Variants in ATP8B1 observed in about 807,000 individuals in gnomAD.
ATP8B1 encodes the protein phospholipid-transporting ATPase IC.
ATP8B1 carries 80 observed loss-of-function variants against 149.9 expected under a neutral mutation model. That is an observed-to-expected ratio of 0.53 (90% CI 0.45 to 0.64). The LOEUF (loss-of-function observed/expected upper bound fraction) is 0.64. ATP8B1 is among the 30% of genes least tolerant of loss of function. The pLI is 0.00. For missense variants in ATP8B1, 1,247 were observed against 1,552.6 expected (o/e 0.80, Z 3.31); for synonymous variants, 536 against 562.8 (o/e 0.95, Z 0.67).
intron 16 of ATP8B1, among the ~76,000 whole-genome samples, chr18:57,672,966 TACATATATACAC>T (rs1911348913): frequency 8.7e-6 from 1 of 115,286 alleles, no homozygotes. Flanking sequence ...TACATATATC[TACATATATACAC>T]ACATATATAA....
chr18:57,759,634 C>G (rs949309738), intron 1 of ATP8B1, among the ~76,000 whole-genome samples: 1 of 151,726 alleles, frequency 6.6e-6, no homozygotes, highest in African/African-American at 2.4e-5. Flanking sequence ...ACAATGAAAC[C>G]CCATCTCTAC....
intron 1 of ATP8B1, among the ~76,000 whole-genome samples, chr18:57,754,161 G>A (rs2080054004): frequency 6.6e-6 from 1 of 152,014 alleles, no homozygotes; most frequent in African/African-American, 2.4e-5. Flanking sequence ...GTTTCAGCCT[G>A]GCACAGGGGC....
chr18:57,734,517 G>A (rs896272064), intron 1 of ATP8B1, among the ~76,000 whole-genome samples: 13 of 152,128 alleles, frequency 8.5e-5, no homozygotes, highest in Non-Finnish European at 1.0e-4. Flanking sequence ...ACTTCTTGGC[G>A]ATTTGTATGT....
At chr18:57,699,361 A>G (rs746358129) in intron 6 of ATP8B1, among the ~76,000 whole-genome samples, 3 of 152,250 alleles carry the variant, frequency 2.0e-5, no homozygotes, top group Non-Finnish European at 4.4e-5. Context: ...TTTATTTACA[A>G]TTCTAGGATT....
intron 1 of ATP8B1, among the ~76,000 whole-genome samples, chr18:57,741,311 A>G (rs1028627275): frequency 6.6e-6 from 1 of 152,192 alleles, no homozygotes; most frequent in South Asian, 2.1e-4. Context: ...ATAAAAAACC[A>G]TGACTTCTTG....
chr18:57,654,227 G>A (rs990227855), intron 23 of ATP8B1, 152 bp from the exon 24 acceptor site: 11 of 769,062 alleles, frequency 1.4e-5, no homozygotes, highest in Middle Eastern at 3.5e-4. Flanking sequence ...GGCTGGCCTC[G>A]AACTCCTGGC....
At chr18:57,651,305 C>T (rs375177655) in intron 26 of ATP8B1, among the ~76,000 whole-genome samples, 1 of 152,114 alleles carries the variant, frequency 6.6e-6, no homozygotes, top group South Asian at 2.1e-4. Context: ...GGGGTTTCAC[C>T]ATGTTGCCCA....
rs760611716 is a variant in ATP8B1, at chr18:57,713,157, CTCTTTCTTTCTTTCTT to C, written c.182-6586_182-6571del. The stretch of plus-strand genomic sequence containing the variant: ...GTGCTTTGTCTTGCTCTTGATCTTT[CTCTTTCTTTCTTTCTT>C]TCTTTCTTTCTTTCTTTCTTTCTTT... On this transcript the variant is annotated intron_variant, in intron 2 of 27. Coordinates refer to ENST00000648908, the MANE Select transcript of ATP8B1 (RefSeq NM_001374385.1). Among the ~76,000 whole-genome samples the C allele has an allele frequency of 2.5e-3, 227 of 92,018 alleles. 8 individuals carry two copies. Among genetic ancestry groups the C allele is most frequent in the East Asian group, 4.2e-3 (11 of 2,624 alleles). The allele number at this position is 92,018 out of a possible 152,430, so 60.4% of individuals were successfully genotyped here.
rs191155329 is a variant in ATP8B1 at position 57,791,724 on chromosome 18, T to C, written c.-26+11274A>G. Among the ~76,000 whole-genome samples the C allele has an allele frequency of 3.9e-5, 6 of 152,336 alleles. No homozygotes were observed. In the East Asian group the frequency reaches 1.2e-3, roughly 29 times the overall value. ...TTTTGTTTATTCATTCATTCGTCGGTGGATGCCTGGGTTACTCCTAGGCCA... is the reference window on the plus strand; with the variant it reads ...TTTTGTTTATTCATTCATTCGTCGGCGGATGCCTGGGTTACTCCTAGGCCA... On this transcript the variant is annotated intron_variant, in intron 1 of 27. Coordinates refer to ENST00000648908, the MANE Select transcript of ATP8B1 (RefSeq NM_001374385.1).
Position 57,684,048 on chromosome 18 carries a change from C to G in ATP8B1, c.1618G>C (p.Asp540His). The G allele has an allele frequency of 6.2e-7, 1 of 1,614,156 alleles. No individual in the cohort carries two copies. The highest frequency in any genetic ancestry group is 8.5e-7 in the Non-Finnish European group (1 of 1,180,034). Residue 540 changes from aspartate (D) to histidine (H), a missense_variant, in exon 15 of 28, where the codon GAT becomes CAT. This residue lies in a region of ATP8B1 where 853 missense variants were observed against 1,035.7 expected (regional missense o/e 0.82). Coordinates refer to ENST00000648908, the MANE Select transcript of ATP8B1 (RefSeq NM_001374385.1). ...GAGAAACACTCACCATCAGTCCTAT[C>G]CACCATGACTGTGTGGCAAACTGCG... Reference protein sequence around the residue: ...LLAVCHTVMVDRTDGQLNYQA... With the variant: ...LLAVCHTVMVHRTDGQLNYQA...
At chr18:57,712,933 G>C (rs117711869) in intron 2 of ATP8B1, among the ~76,000 whole-genome samples, 1,584 of 151,936 alleles carry the variant, frequency 0.01, 5 homozygotes, top group Middle Eastern at 0.021. Flanking sequence ...ACCCAGCTCT[G>C]GCAGGATCCA....
intron 2 of ATP8B1, among the ~76,000 whole-genome samples, chr18:57,726,489 C>T (rs1275126941): frequency 6.6e-6 from 1 of 152,212 alleles, no homozygotes; most frequent in Non-Finnish European, 1.5e-5. Flanking sequence ...CCCAGAACCA[C>T]TCTGTATCTT....
At chr18:57,800,581 T>C (rs2080564409) in intron 1 of ATP8B1, among the ~76,000 whole-genome samples, 1 of 152,188 alleles carries the variant, frequency 6.6e-6, no homozygotes, top group African/African-American at 2.4e-5. Context: ...CCTGCAATAA[T>C]AGTATTTTTA....
chr18:57,726,381 A>G (rs1042551758), intron 2 of ATP8B1, among the ~76,000 whole-genome samples: 1 of 152,258 alleles, frequency 6.6e-6, no homozygotes, highest in African/African-American at 2.4e-5. Context: ...TCTGTAAAGC[A>G]AAGGAAACAA....
chr18:57,687,417 G>A (rs558467421), intron 13 of ATP8B1, among the ~76,000 whole-genome samples: 2 of 152,220 alleles, frequency 1.3e-5, no homozygotes, highest in East Asian at 1.9e-4. Flanking sequence ...TTATTGGAAC[G>A]CTAAGCATGT....
rs150093926 is a variant in ATP8B1 at position 57,800,406 on chromosome 18, G to A, written c.-26+2592C>T. ...AAAGCAAGTTCCTCTGCATTCATGA[G>A]TGCATCGGTTTCTTTTTCAGTAACC... On this transcript the variant is annotated intron_variant, in intron 1 of 27. Transcript: ENST00000648908. Among the ~76,000 whole-genome samples, 695 of 152,286 alleles carry A rather than the reference G, an allele frequency of 4.6e-3. 11 individuals are homozygous for A. Among genetic ancestry groups the A allele is most frequent in the African/African-American group, 0.016 (664 of 41,556 alleles).
intron 1 of ATP8B1, among the ~76,000 whole-genome samples, chr18:57,742,032 G>A (rs1273188735): frequency 6.6e-6 from 1 of 152,044 alleles, no homozygotes; most frequent in East Asian, 1.9e-4. Flanking sequence ...ACCACACCTG[G>A]CTAATTTTTG....
chr18:57,679,353 A>T (rs368494596), intron 15 of ATP8B1, among the ~76,000 whole-genome samples: 11 of 152,310 alleles, frequency 7.2e-5, no homozygotes, highest in South Asian at 6.2e-4. Context: ...TGTAACAAAC[A>T]TGCACATGTA....
chr18:57,693,130 G>A (rs746001477), intron 11 of ATP8B1, among the ~76,000 whole-genome samples: 40 of 152,128 alleles, frequency 2.6e-4, no homozygotes, highest in Non-Finnish European at 4.6e-4. Context: ...AGGGGAAAAT[G>A]TTTCTTAAAT....
Sources: gnomAD v4.1 joint callset for allele counts (sites outside exome capture counted in the v4.1 genomes callset) on GRCh38, gnomAD v4.1.1 for gene constraint, gnomAD v4.1.1 regional missense constraint, MANE v1.5 for transcripts, NCBI Gene and HGNC (gene_info 2026-07-23, HGNC 2026-07-21) for gene names.